Variants in KIF13A observed in about 807,000 individuals in gnomAD.
The protein encoded by KIF13A is kinesin family member 13A.
A neutral mutation model predicts 212.2 loss-of-function variants in KIF13A; 79 were observed. The ratio of observed to expected loss-of-function variants is 0.37; its 90% CI spans 0.31 to 0.45. The LOEUF is 0.45. Among genes scored for constraint, KIF13A ranks in the 20% least tolerant of loss-of-function variants. The probability of loss-of-function intolerance (pLI) is 1.00; values close to 1 mark genes in which losing one functional copy is unlikely to be tolerated. For missense variants in KIF13A, 1,901 were observed against 2,209.0 expected (o/e 0.86, Z 2.79); for synonymous variants, 789 against 808.6 (o/e 0.98, Z 0.41).
rs146481201 is a variant in KIF13A, at chr6:17,882,426, T to C, written c.160-8989A>G. 2.6e-4 allele frequency among the ~76,000 whole-genome samples: 39 copies of C among 152,302 alleles called. No homozygotes were observed. In the East Asian group the frequency reaches 6.9e-3, roughly 27 times the overall value. ...CTCCTCAGACACAAAGTGATTAATATTTATTATGTCAAGATAATTTAATTT... is the reference window on the plus strand; with the variant it reads ...CTCCTCAGACACAAAGTGATTAATACTTATTATGTCAAGATAATTTAATTT... On this transcript the variant is annotated intron_variant, in intron 3 of 38. Coordinates refer to ENST00000259711, the MANE Select transcript of KIF13A (RefSeq NM_022113.6).
intron 2 of KIF13A, among the ~76,000 whole-genome samples, chr6:17,935,774 T>C (rs565735734): frequency 5.3e-4 from 80 of 152,308 alleles, no homozygotes; most frequent in African/African-American, 1.8e-3. Context: ...CTTTCAAAAC[T>C]CAAAAGTTGA....
At chr6:17,807,618 C>T (rs1396784501) in intron 18 of KIF13A, among the ~76,000 whole-genome samples, 1 of 144,708 alleles carries the variant, frequency 6.9e-6, no homozygotes, top group African/African-American at 2.4e-5. Context: ...CCTGTTCCCT[C>T]AGAAGCATGT....
chr6:17,815,431 T>A (rs1445664557), intron 17 of KIF13A, among the ~76,000 whole-genome samples: 4 of 152,190 alleles, frequency 2.6e-5, no homozygotes, highest in Non-Finnish European at 5.9e-5. Flanking sequence ...AAGTAACTAG[T>A]GCCTTCCCCA....
intron 4 of KIF13A, among the ~76,000 whole-genome samples, chr6:17,863,253 G>A (rs1239220721): frequency 1.3e-5 from 2 of 152,146 alleles, no homozygotes; most frequent in South Asian, 2.1e-4. Flanking sequence ...AGGGGGTGGA[G>A]GACAGAAAGG....
rs1759180945 is a variant in KIF13A, at chr6:17,768,116, G to T, written c.4581+2998C>A. On this transcript the variant is annotated intron_variant, in intron 38 of 38. Coordinates refer to ENST00000259711, the MANE Select transcript of KIF13A (RefSeq NM_022113.6). The surrounding 1 kb of genome is among the most constrained non-coding windows in gnomAD (Gnocchi z 5.4). ...ATTGAGTTATTGCCAATTAAGGGAGGATTTAATTGGCTTAAACTCATATTT... is the reference window on the plus strand; with the variant it reads ...ATTGAGTTATTGCCAATTAAGGGAGTATTTAATTGGCTTAAACTCATATTT... 6.6e-6 allele frequency among the ~76,000 whole-genome samples: 1 copy of T among 152,162 alleles called. No homozygotes were observed. Among genetic ancestry groups the T allele is most frequent in the Non-Finnish European group, 1.5e-5 (1 of 68,028 alleles).
intron 16 of KIF13A, among the ~76,000 whole-genome samples, chr6:17,820,397 C>T (rs1377049586): frequency 1.3e-5 from 2 of 152,190 alleles, no homozygotes; most frequent in Admixed American, 1.3e-4. Context: ...TAACATTAGT[C>T]TGCAAACACC....
intron 2 of KIF13A, among the ~76,000 whole-genome samples, chr6:17,939,180 A>G (rs1372863834): frequency 6.6e-6 from 1 of 152,176 alleles, no homozygotes; most frequent in Non-Finnish European, 1.5e-5. Context: ...CATCTGCTAC[A>G]TATTAACAAC....
intron 30 of KIF13A, 62 bp downstream of exon 30, chr6:17,781,115 C>T (rs1760533718): frequency 6.9e-6 from 11 of 1,593,512 alleles, no homozygotes; most frequent in Non-Finnish European, 9.5e-6. Flanking sequence ...GTTTAGTGAG[C>T]AGGCCCACAA....
chr6:17,804,845 A>G (rs1439859166), intron 19 of KIF13A, among the ~76,000 whole-genome samples: 1 of 140,016 alleles, frequency 7.1e-6, no homozygotes, highest in Non-Finnish European at 1.5e-5. Context: ...AAAAAAAAAA[A>G]GAATTAGCCC....
chr6:17,960,326 C>T (rs1237821545), intron 2 of KIF13A, among the ~76,000 whole-genome samples: 6 of 152,208 alleles, frequency 3.9e-5, no homozygotes, highest in Non-Finnish European at 5.9e-5. Context: ...ACTGGAAACA[C>T]TAATGGACCA....
intron 4 of KIF13A, among the ~76,000 whole-genome samples, chr6:17,862,500 T>C (rs567684666): frequency 2.0e-4 from 31 of 152,246 alleles, no homozygotes; most frequent in African/African-American, 7.2e-4. Flanking sequence ...CATAATCCAA[T>C]TTCAAAGATA....
At position 17,849,367 on chromosome 6, in the gene KIF13A, G is replaced by C; in HGVS notation, c.830+10C>G. On this transcript the variant is annotated intron_variant, in intron 9 of 38. Transcript: ENST00000259711. This position sits in a 1 kb window ranked among gnomAD's most constrained non-coding sequence, Gnocchi z 5.7. ...AATCACCCAGGCTGTTCTGGGACCA[G>C]CCACCTTACTTGTTAATGTTGCTGC... The C allele has an allele frequency of 6.3e-7, 1 of 1,595,888 alleles. No individual in the cohort carries two copies. The highest frequency in any genetic ancestry group is 8.6e-7 in the Non-Finnish European group (1 of 1,165,572).
chr6:17,931,831 T>C (rs1776009960), intron 2 of KIF13A, among the ~76,000 whole-genome samples: 4 of 152,008 alleles, frequency 2.6e-5, no homozygotes, highest in African/African-American at 9.7e-5. Flanking sequence ...GGGAAAAAAA[T>C]GCAGAAAGTA....
At chr6:17,932,487 C>T (rs4712319) in intron 2 of KIF13A, among the ~76,000 whole-genome samples, 109,353 of 152,086 alleles carry the variant, frequency 0.72, 39,888 homozygotes, top group South Asian at 0.83. Context: ...GATCTTCTTT[C>T]TAAAAAATAA....
At chr6:17,831,338 T>C in intron 12 of KIF13A, 103 bp from the exon 13 acceptor site, 3 of 1,297,984 alleles carry the variant, frequency 2.3e-6, no homozygotes, top group Non-Finnish European at 3.2e-6. Context: ...ACAATGCCAA[T>C]GGGATTACAC....
intron 2 of KIF13A, among the ~76,000 whole-genome samples, chr6:17,939,679 C>T (rs1776777655): frequency 6.6e-6 from 1 of 152,158 alleles, no homozygotes; most frequent in Non-Finnish European, 1.5e-5. Flanking sequence ...CCTACCAAAA[C>T]CAAGATGGCA....
intron 2 of KIF13A, among the ~76,000 whole-genome samples, chr6:17,937,753 T>TG (rs1186921607): frequency 1.6e-5 from 2 of 123,576 alleles, no homozygotes; most frequent in Non-Finnish European, 3.4e-5. Context: ...TTTGTTTTTT[T>TG]TTTTTTGTTT....
chr6:17,825,751 C>T lies in KIF13A; in HGVS notation c.1786+17G>A. ...AGGAAATGCCCAAGGCGCTGGAACA[C>T]AGAGTGAGGGTCTTACCATTACTAT... On this transcript the variant is annotated intron_variant, in intron 16 of 38. Transcript: ENST00000259711. The surrounding 1 kb of genome is among the most constrained non-coding windows in gnomAD (Gnocchi z 4.5). The T allele has an allele frequency of 6.2e-7, 1 of 1,606,162 alleles. No homozygotes were observed. Among genetic ancestry groups the T allele is most frequent in the Non-Finnish European group, 8.5e-7 (1 of 1,176,062 alleles).
chr6:17,917,339 C>T (rs1169212235), intron 2 of KIF13A, among the ~76,000 whole-genome samples: 1 of 144,872 alleles, frequency 6.9e-6, no homozygotes, highest in East Asian at 2.1e-4. Context: ...CTCCTGGGTT[C>T]AAGCGATTCT....
Sources: gnomAD v4.1 joint callset for allele counts (sites outside exome capture counted in the v4.1 genomes callset) on GRCh38, gnomAD v4.1.1 for gene constraint, Gnocchi (gnomAD v3.1) non-coding constraint, MANE v1.5 for transcripts, NCBI Gene and HGNC (gene_info 2026-07-23, HGNC 2026-07-21) for gene names.